Variants in RUVBL1 observed in about 807,000 individuals in gnomAD.
RUVBL1 encodes RuvB like AAA ATPase 1.
A neutral mutation model predicts 52.4 loss-of-function variants in RUVBL1; 4 were observed. That is an observed-to-expected ratio of 0.08 (90% CI 0.04 to 0.17). The LOEUF (loss-of-function observed/expected upper bound fraction) is 0.17, where lower values mean the gene tolerates loss of function less well. Ranked by LOEUF, RUVBL1 falls within the 10% of genes least tolerant of loss-of-function variation. The pLI is 1.00. For missense variants in RUVBL1, 298 were observed against 572.8 expected (o/e 0.52, Z 4.90); for synonymous variants, 217 against 214.4 (o/e 1.01, Z -0.10).
At chr3:128,065,732 A>ATTTTTTTTTTTTTTTTT (rs758640768) in intron 9 of RUVBL1, among the ~76,000 whole-genome samples, 2 of 97,526 alleles carry the variant, frequency 2.1e-5, no homozygotes, top group Admixed American at 1.3e-4. Context: ...ATCATTAAGA[A>ATTTTTTTTTTTTTTTTT]TTTTTTTTTT....
chr3:128,070,404 G>A (rs1942126771), intron 9 of RUVBL1: 2 of 152,226 alleles, frequency 1.3e-5, no homozygotes, highest in Admixed American at 1.3e-4. Context: ...GCCAAGCTGA[G>A]CCTGGCCAAG....
chr3:128,067,725 C>A lies in RUVBL1; in HGVS notation c.940-2505G>T. On this transcript the variant is annotated intron_variant, in intron 9 of 9. Coordinates refer to the RUVBL1 transcript ENST00000464873. This position sits in a 1 kb window ranked among gnomAD's most constrained non-coding sequence, Gnocchi z 4.1. ...TCTGTGACGTGTGCAGATAGATCGT[C>A]GTCCTTTAGGGGGCAGTTCAGAAGC... 1 of 905,906 alleles carries A rather than the reference C, an allele frequency of 1.1e-6. No homozygotes were observed. Among genetic ancestry groups the A allele is most frequent in the Non-Finnish European group, 1.7e-6 (1 of 597,110 alleles). The allele number at this position is 905,906 out of a possible 1,614,324, so 56.1% of individuals were successfully genotyped here.
At chr3:128,078,681 T>C (rs919797486), downstream of RUVBL1, 3 of 152,216 alleles carry the variant, frequency 2.0e-5, no homozygotes, top group Non-Finnish European at 4.4e-5. Context: ...CTGCTGTAAT[T>C]GTTGTTAGAT....
chr3:128,072,421 A>G (rs1278847351), intron 9 of RUVBL1, among the ~76,000 whole-genome samples: 1 of 152,232 alleles, frequency 6.6e-6, no homozygotes, highest in African/African-American at 2.4e-5. Flanking sequence ...TTGTAGTCTT[A>G]GACCTTGTCT....
intron 2 of RUVBL1, among the ~76,000 whole-genome samples, chr3:128,116,346 G>T (rs767677672): frequency 6.6e-6 from 1 of 151,816 alleles, no homozygotes; most frequent in Admixed American, 6.6e-5. Flanking sequence ...TTCGAGACCA[G>T]CCTGACCAAC....
intron 4 of RUVBL1, 138 bp downstream of exon 4, chr3:128,104,635 C>G (rs1943181785): frequency 2.9e-6 from 2 of 687,190 alleles, no homozygotes; most frequent in Admixed American, 2.8e-5. Flanking sequence ...CACACAATAT[C>G]CTCAACCAAT....
At chr3:128,076,020 T>C (rs115098924), downstream of RUVBL1, 278 of 152,942 alleles carry the variant, frequency 1.8e-3, 1 homozygote, top group African/African-American at 6.2e-3. This position sits in a 1 kb window ranked among gnomAD's most constrained non-coding sequence, Gnocchi z 6.8. Flanking sequence ...GTCACTGGCA[T>C]TGGGAAGCCC....
chr3:128,112,676 C>G (rs1454560900), intron 3 of RUVBL1, among the ~76,000 whole-genome samples: 1 of 152,128 alleles, frequency 6.6e-6, no homozygotes, highest in East Asian at 1.9e-4. Context: ...AGGCTCACAG[C>G]TAGGGTCCAT....
chr3:128,107,412 A>T (rs1467272785), intron 3 of RUVBL1, among the ~76,000 whole-genome samples: 1 of 152,240 alleles, frequency 6.6e-6, no homozygotes, highest in African/African-American at 2.4e-5. Context: ...CTTGATAAGG[A>T]TTTGGTGTTC....
intron 3 of RUVBL1, among the ~76,000 whole-genome samples, chr3:128,109,242 C>T (rs1380171890): frequency 6.6e-6 from 1 of 152,132 alleles, no homozygotes; most frequent in Non-Finnish European, 1.5e-5. Context: ...GTTTGTAATA[C>T]CTCTGTTTAA....
intron 2 of RUVBL1, among the ~76,000 whole-genome samples, chr3:128,113,690 G>C (rs1943451167): frequency 6.6e-6 from 1 of 151,336 alleles, no homozygotes; most frequent in Admixed American, 6.6e-5. Flanking sequence ...GAGTATTTTT[G>C]ATTTGTGGTT....
chr3:128,083,535 G>C (rs1942544194), intron 9 of RUVBL1: 1 of 152,316 alleles, frequency 6.6e-6, no homozygotes. Flanking sequence ...GAGCTGCAGG[G>C]GGAGCCCAGT....
intron 8 of RUVBL1, among the ~76,000 whole-genome samples, chr3:128,089,909 C>CAAAAA (rs57182193): frequency 8.4e-5 from 5 of 59,350 alleles, no homozygotes; most frequent in South Asian, 7.9e-4. Context: ...GACCCTATCT[C>CAAAAA]AAAAAAAAAA....
At chr3:128,149,974 C>T (rs1042813793) in intron 1 of RUVBL1, among the ~76,000 whole-genome samples, 2 of 152,234 alleles carry the variant, frequency 1.3e-5, no homozygotes, top group African/African-American at 4.8e-5. Context: ...TTCAGCCCCA[C>T]CTCGCCACGT....
downstream of RUVBL1, among the ~76,000 whole-genome samples, chr3:128,076,757 C>G (rs1237503683): frequency 6.6e-6 from 1 of 152,154 alleles, no homozygotes; most frequent in African/African-American, 2.4e-5. This position sits in a 1 kb window ranked among gnomAD's most constrained non-coding sequence, Gnocchi z 6.8. Context: ...TGCCCCAGAC[C>G]TGCAGCCCGC....
intron 8 of RUVBL1, among the ~76,000 whole-genome samples, chr3:128,089,184 G>A (rs1198530997): frequency 6.6e-6 from 1 of 152,200 alleles, no homozygotes; most frequent in Non-Finnish European, 1.5e-5. Flanking sequence ...TTTGAGAAGG[G>A]TCCAATCCCA....
chr3:128,071,389 T>TC (rs998743255), intron 9 of RUVBL1: 2 of 152,498 alleles, frequency 1.3e-5, no homozygotes, highest in Non-Finnish European at 2.9e-5. Context: ...GGGCAGGGCC[T>TC]CCCCCAGCCC....
At chr3:128,122,683 G>T (rs1943677012) in intron 1 of RUVBL1, among the ~76,000 whole-genome samples, 1 of 152,232 alleles carries the variant, frequency 6.6e-6, no homozygotes, top group African/African-American at 2.4e-5. Flanking sequence ...ATTAAGTGAA[G>T]ATTTTTGTAG....
chr3:128,076,343 G>C (rs192605696), downstream of RUVBL1, among the ~76,000 whole-genome samples: 25 of 152,328 alleles, frequency 1.6e-4, no homozygotes, highest in Admixed American at 6.5e-4. The surrounding 1 kb of genome is among the most constrained non-coding windows in gnomAD (Gnocchi z 6.8). Flanking sequence ...GAAGCTCTGG[G>C]GGACGGGACC....
Sources: allele counts gnomAD v4.1 joint callset (sites outside exome capture counted in the v4.1 genomes callset), GRCh38; gene constraint gnomAD v4.1.1; non-coding constraint Gnocchi (gnomAD v3.1); transcripts MANE v1.5; gene names NCBI Gene and HGNC (gene_info 2026-07-23, HGNC 2026-07-21).